SIMC1: variants seen among roughly 807,000 people sequenced by gnomAD.
SIMC1 encodes the protein SUMO-interacting motif-containing protein 1.
A neutral mutation model predicts 82.3 loss-of-function variants in SIMC1; 55 were observed. The ratio of observed to expected loss-of-function variants is 0.67; its 90% CI spans 0.54 to 0.84. The LOEUF is 0.84. Among genes scored for constraint, SIMC1 ranks in the 40% least tolerant of loss-of-function variants. SIMC1 has a pLI of 0.00. For synonymous variants in SIMC1, 353 were observed against 426.3 expected (o/e 0.83, Z 2.12); for missense variants, 915 against 1,107.2 (o/e 0.83, Z 2.46).
intron 1 of SIMC1, among the ~76,000 whole-genome samples, chr5:176,265,324 G>C (rs1417686032): frequency 6.6e-6 from 1 of 152,282 alleles, no homozygotes; most frequent in African/African-American, 2.4e-5. Context: ...TGCCCTGCTA[G>C]TCAGGCTGGC....
rs1330179353 is a variant in SIMC1 at position 176,336,846 on chromosome 5, G to A, written c.2298G>A (p.Leu766=). 6 of 1,613,840 alleles carry A rather than the reference G, an allele frequency of 3.7e-6. No individual in the cohort carries two copies. Among genetic ancestry groups the A allele is most frequent in the Non-Finnish European group, 4.2e-6 (5 of 1,179,896 alleles). Residue 766 remains leucine (L), a synonymous_variant, in exon 8 of 10, where the codon CTG becomes CTA. Coordinates refer to ENST00000429602, the MANE Select transcript of SIMC1 (RefSeq NM_001308195.2). ...CTCTGGCCCAGGCCCTCTACTTTCT[G>A]AATAATTCTACGTCACTGCTCAAGT... ...PLSLAQALYF[L]NNSTSLLKCQ...
At chr5:176,339,469 A>C (rs1185633455) in intron 9 of SIMC1, among the ~76,000 whole-genome samples, 1 of 152,206 alleles carries the variant, frequency 6.6e-6, no homozygotes, top group Non-Finnish European at 1.5e-5. Flanking sequence ...TCTCCAAACA[A>C]AGACCCGAAG....
chr5:176,257,615 A>G (rs1204781840), intron 1 of SIMC1, among the ~76,000 whole-genome samples: 1 of 152,040 alleles, frequency 6.6e-6, no homozygotes, highest in Admixed American at 6.6e-5. Context: ...TGACCCAAAT[A>G]CCTCCCACCA....
intron 4 of SIMC1, among the ~76,000 whole-genome samples, chr5:176,311,834 A>G (rs1025929179): frequency 6.6e-6 from 1 of 152,258 alleles, no homozygotes; most frequent in Admixed American, 6.5e-5. Flanking sequence ...ATTTATATAC[A>G]AAGCATAGGA....
At chr5:176,279,444 C>T (rs1230474180) in intron 1 of SIMC1, among the ~76,000 whole-genome samples, 1 of 151,994 alleles carries the variant, frequency 6.6e-6, no homozygotes, top group Non-Finnish European at 1.5e-5. Context: ...TCATTAATTT[C>T]TTGAAGGGTT....
chr5:176,315,993 G>A (rs532932600), intron 5 of SIMC1, among the ~76,000 whole-genome samples: 5 of 151,944 alleles, frequency 3.3e-5, no homozygotes, highest in South Asian at 2.1e-4. Context: ...TGGCCAACAC[G>A]GTGAAACCCT....
In SIMC1 at chr5:176,290,751, T is replaced by G; in HGVS notation, c.1227T>G (p.Pro409=). The change falls in exon 2 of 10, where the codon CCT becomes CCG. Residue 409 remains proline, a synonymous_variant. Transcript: ENST00000429602. ...CTGAAACTCCCTTAGAGAAAGTTCC[T>G]TGGCTCTCTGTCATGGAAACCCCAG... ...PQSETPLEKV[P]WLSVMETPAR... 1 of 1,613,274 alleles carries G rather than the reference T, an allele frequency of 6.2e-7. No individual in the cohort carries two copies. Among genetic ancestry groups the G allele is most frequent in the South Asian group, 1.1e-5 (1 of 90,984 alleles).
At chr5:176,274,700 A>T (rs1762602914) in intron 1 of SIMC1, among the ~76,000 whole-genome samples, 1 of 151,814 alleles carries the variant, frequency 6.6e-6, no homozygotes, top group African/African-American at 2.4e-5. Flanking sequence ...TAAGGAAGGG[A>T]TCCAGTTTCA....
intron 1 of SIMC1, among the ~76,000 whole-genome samples, chr5:176,271,698 T>C (rs568620022): frequency 6.6e-6 from 1 of 151,554 alleles, no homozygotes; most frequent in Non-Finnish European, 1.5e-5. Context: ...TATTTTATTA[T>C]ACATTTCAAA....
chr5:176,331,464 C>T (rs60957897), intron 7 of SIMC1, among the ~76,000 whole-genome samples: 1 of 150,842 alleles, frequency 6.6e-6, no homozygotes. Context: ...TACAGGTGCC[C>T]CCACCATGCC....
At chr5:176,302,665 CAAAA>C (rs368613925) in intron 4 of SIMC1, among the ~76,000 whole-genome samples, 1 of 144,720 alleles carries the variant, frequency 6.9e-6, no homozygotes, top group Non-Finnish European at 1.5e-5. Context: ...AAAATTCCAC[CAAAA>C]AAAAAACTAG....
At chr5:176,291,813 C>T (rs1022148928) in intron 2 of SIMC1, among the ~76,000 whole-genome samples, 1 of 152,162 alleles carries the variant, frequency 6.6e-6, no homozygotes, top group African/African-American at 2.4e-5. Context: ...GCTTTCCTAT[C>T]TGTAAAATGG....
intron 2 of SIMC1, 174 bp from the exon 3 acceptor site, chr5:176,294,856 T>C: frequency 2.3e-6 from 2 of 870,398 alleles, no homozygotes; most frequent in Non-Finnish European, 3.3e-6. Context: ...TCCCAGCTAC[T>C]CTGGAGGCTG....
intron 2 of SIMC1, among the ~76,000 whole-genome samples, chr5:176,292,987 A>G (rs1039365247): frequency 2.6e-5 from 4 of 152,184 alleles, no homozygotes; most frequent in African/African-American, 9.7e-5. Flanking sequence ...GGTTGAGAGA[A>G]TGGCTCTGAA....
Position 176,295,227 on chromosome 5 carries a change from A to C in SIMC1, c.1629A>C (p.Leu543=), listed in dbSNP as rs1310268854. The change falls in exon 3 of 10, where the codon CTA becomes CTC. Residue 543 remains leucine, a synonymous_variant. Transcript: ENST00000429602. Reference sequence around the variant, plus strand: ...GTGGCTCTGAGACTGTGGATGTCCTAAAGGAGGCCTACATGCTTCTCATGA... The same window carrying C: ...GTGGCTCTGAGACTGTGGATGTCCTCAAGGAGGCCTACATGCTTCTCATGA... The part of the protein sequence containing the change: ...LLSGSETVDV[L]KEAYMLLMKI... 6.2e-7 allele frequency: 1 copy of C among 1,613,068 alleles called. No homozygotes were observed. Among genetic ancestry groups the C allele is most frequent in the Non-Finnish European group, 8.5e-7 (1 of 1,179,538 alleles).
chr5:176,324,005 A>T (rs1270891008), intron 6 of SIMC1, among the ~76,000 whole-genome samples: 1 of 151,664 alleles, frequency 6.6e-6, no homozygotes, highest in African/African-American at 2.4e-5. Flanking sequence ...AAAAAAAAAA[A>T]AAAAAAAAAC....
chr5:176,244,196 GA>G (rs1437332865), intron 1 of SIMC1, among the ~76,000 whole-genome samples: 1 of 40,950 alleles, frequency 2.4e-5, no homozygotes, highest in Non-Finnish European at 4.7e-5. Flanking sequence ...GGAAAGGAAG[GA>G]ATGAAGAAGG....
At chr5:176,280,575 G>A (rs141966194) in intron 1 of SIMC1, among the ~76,000 whole-genome samples, 15,750 of 152,036 alleles carry the variant, frequency 0.1, 991 homozygotes, top group Admixed American at 0.15. Context: ...GGCTGGTACC[G>A]GTTGTTCCTT....
intron 7 of SIMC1, among the ~76,000 whole-genome samples, chr5:176,330,059 G>A (rs1765573005): frequency 6.6e-6 from 1 of 152,004 alleles, no homozygotes; most frequent in South Asian, 2.1e-4. Context: ...AGTAGCAGTG[G>A]AGCACACCTC....
Sources: gnomAD v4.1 joint callset for allele counts (sites outside exome capture counted in the v4.1 genomes callset) on GRCh38, gnomAD v4.1.1 for gene constraint, MANE v1.5 for transcripts, NCBI Gene and HGNC (gene_info 2026-07-23, HGNC 2026-07-21) for gene names.